The following WNT9B variants were observed in gnomAD, a reference collection of about 807,000 sequenced individuals.
WNT9B encodes Wnt family member 9B, also known as protein Wnt-9b.
A neutral mutation model predicts 30.2 loss-of-function variants in WNT9B; 12 were observed. The observed-to-expected ratio is 0.40, with a 90% confidence interval of 0.26 to 0.64. The LOEUF (loss-of-function observed/expected upper bound fraction) is 0.64, where lower values mean the gene tolerates loss of function less well. WNT9B is among the 30% of genes least tolerant of loss of function. The pLI, the probability that WNT9B is intolerant of heterozygous loss-of-function variation, is 0.42. For missense variants in WNT9B, 442 were observed against 485.2 expected (o/e 0.91, Z 0.84); for synonymous variants, 218 against 216.9 (o/e 1.01, Z -0.05).
intron 1 of WNT9B, among the ~76,000 whole-genome samples, chr17:46,870,898 C>T (rs1369885406): frequency 4.1e-5 from 6 of 145,874 alleles, no homozygotes; most frequent in African/African-American, 1.5e-4. Flanking sequence ...CCTGCTTCCA[C>T]CTTTGCTTTT....
intron 1 of WNT9B, among the ~76,000 whole-genome samples, chr17:46,864,957 T>C (rs2085107190): frequency 2.0e-5 from 3 of 152,104 alleles, no homozygotes; most frequent in African/African-American, 7.2e-5. Context: ...TAACGTATAA[T>C]GGTTTGAATG....
intron 1 of WNT9B, among the ~76,000 whole-genome samples, chr17:46,862,463 A>G (rs552548333): frequency 2.0e-5 from 3 of 152,202 alleles, no homozygotes; most frequent in Non-Finnish European, 4.4e-5. Flanking sequence ...ATTGTTAAAA[A>G]AACTTGTAGT....
rs562310155 is a variant in WNT9B, at chr17:46,873,419, G to A, written c.334+646G>A. On this transcript the variant is annotated intron_variant, in intron 2 of 3. Coordinates refer to ENST00000290015, the MANE Select transcript of WNT9B (RefSeq NM_003396.3). ...CCTCGGGAAGCATGCAGTCTGGAAG[G>A]GAGAACACAGGTCACCATGTGACTC... Among the ~76,000 whole-genome samples, 6 of 152,224 alleles carry A rather than the reference G, an allele frequency of 3.9e-5. 1 individual carries two copies. In the South Asian group the frequency reaches 1.0e-3, roughly 26 times the overall value.
Position 46,872,680 on chromosome 17 carries a change from G to A in WNT9B, c.241G>A (p.Ala81Thr), listed in dbSNP as rs1466900903. 6.2e-7 allele frequency: 1 copy of A among 1,613,556 alleles called. No homozygotes were observed. The highest frequency in any genetic ancestry group is 8.5e-7 in the Non-Finnish European group (1 of 1,180,030). The change falls in exon 2 of 4, where the codon GCT (alanine) becomes ACT (threonine). Residue 81 changes from alanine (A) to threonine (T), a missense_variant. Ala to Thr is a moderately conservative substitution (Grantham distance 58). Coordinates refer to ENST00000290015, the MANE Select transcript of WNT9B (RefSeq NM_003396.3). ...CGGCCTGGCTGAGACCCTGAGGGAT[G>A]CTGCGCACCTCGGCCTGCTTGAGTG... Reference protein sequence around the residue: ...EPGLAETLRDAAHLGLLECQF... With the variant: ...EPGLAETLRDTAHLGLLECQF...
chr17:46,870,904 C>CTTTTTTTTTTTTTTTTT (rs144277402), intron 1 of WNT9B, among the ~76,000 whole-genome samples: 5 of 78,396 alleles, frequency 6.4e-5, no homozygotes, highest in African/African-American at 2.5e-4. Context: ...TCCACCTTTG[C>CTTTTTTTTTTTTTTTTT]TTTTTTTTTT....
chr17:46,836,333 T>G (rs1249678081), intron 1 of WNT9B, among the ~76,000 whole-genome samples: 2 of 152,190 alleles, frequency 1.3e-5, no homozygotes, highest in Non-Finnish European at 2.9e-5. Context: ...TGCTGTTTTT[T>G]GAACTTCATT....
chr17:46,859,989 T>C (rs2085007862), intron 1 of WNT9B, among the ~76,000 whole-genome samples: 1 of 152,176 alleles, frequency 6.6e-6, no homozygotes. Context: ...TTTTAGAAAT[T>C]GAATTGGGGC....
chr17:46,840,565 G>A (rs2084701249), intron 1 of WNT9B, among the ~76,000 whole-genome samples: 1 of 152,194 alleles, frequency 6.6e-6, no homozygotes, highest in Non-Finnish European at 1.5e-5. Flanking sequence ...GCTAGTTCTA[G>A]ATCCTTGAGG....
chr17:46,858,465 T>TTTTTA (rs149880516), intron 1 of WNT9B, among the ~76,000 whole-genome samples: 12,843 of 151,230 alleles, frequency 0.085, 611 homozygotes, highest in Non-Finnish European at 0.1. Flanking sequence ...CGTTTTCTCC[T>TTTTTA]TTTTATTTTA....
At chr17:46,853,992 G>T (rs1239532883) in intron 1 of WNT9B, among the ~76,000 whole-genome samples, 1 of 150,712 alleles carries the variant, frequency 6.6e-6, no homozygotes, top group African/African-American at 2.4e-5. Context: ...GGTCAAATAG[G>T]CCTGGGTTAG....
At chr17:46,851,002 G>A (rs1161258233), upstream of WNT9B, among the ~76,000 whole-genome samples, 1 of 152,170 alleles carries the variant, frequency 6.6e-6, no homozygotes, top group Non-Finnish European at 1.5e-5. The surrounding 1 kb of genome is among the most constrained non-coding windows in gnomAD (Gnocchi z 4.3). Context: ...TCTCCCCTCT[G>A]CCCAAGACTC....
downstream of WNT9B, among the ~76,000 whole-genome samples, chr17:46,884,686 A>G (rs997594425): frequency 2.0e-5 from 3 of 152,154 alleles, no homozygotes; most frequent in African/African-American, 7.2e-5. Flanking sequence ...CAACGCTCCA[A>G]GTTGGTGTCA....
exon 5 of WNT9B, chr17:46,886,656 G>A (rs1035184353): frequency 1.3e-5 from 2 of 152,202 alleles, no homozygotes; most frequent in African/African-American, 4.8e-5. Context: ...TTGCTGGTTG[G>A]AGTTCTTTGA....
rs1371132309 is a variant in WNT9B at position 46,871,611 on chromosome 17, C to T, written c.78-906C>T. 2.6e-5 allele frequency among the ~76,000 whole-genome samples: 4 copies of T among 152,128 alleles called. No homozygotes were observed. The East Asian group carries it at 5.8e-4, about 22-fold the overall frequency. On this transcript the variant is annotated intron_variant, in intron 1 of 3. Coordinates refer to ENST00000290015, the MANE Select transcript of WNT9B (RefSeq NM_003396.3). ...TGGTTAGTCCATTTCATATAATCCT[C>T]CCACCAACCCTAGGAGGTAGAGAAG...
At chr17:46,855,075 G>A (rs2084916889) in intron 1 of WNT9B, among the ~76,000 whole-genome samples, 1 of 149,688 alleles carries the variant, frequency 6.7e-6, no homozygotes, top group Admixed American at 6.6e-5. Flanking sequence ...GAAAGGTTCA[G>A]TCAGTCACCC....
intron 1 of WNT9B, among the ~76,000 whole-genome samples, chr17:46,864,659 T>C (rs908183237): frequency 2.0e-5 from 3 of 152,190 alleles, no homozygotes; most frequent in African/African-American, 7.2e-5. Context: ...CCTTAGATGC[T>C]TGCTGTGGTG....
At chr17:46,862,188 A>G (rs1401329415) in intron 1 of WNT9B, among the ~76,000 whole-genome samples, 1 of 151,998 alleles carries the variant, frequency 6.6e-6, no homozygotes, top group Non-Finnish European at 1.5e-5. Context: ...AAGAAAAAGA[A>G]AAAGAAAAGG....
chr17:46,854,479 C>G (rs541391425), intron 1 of WNT9B, among the ~76,000 whole-genome samples: 1 of 152,266 alleles, frequency 6.6e-6, no homozygotes, highest in Admixed American at 6.5e-5. Flanking sequence ...CCAGAAGGAT[C>G]TCTGGTCCAA....
intron 1 of WNT9B, among the ~76,000 whole-genome samples, chr17:46,856,074 T>C (rs1007331784): frequency 6.6e-6 from 1 of 152,258 alleles, no homozygotes; most frequent in African/African-American, 2.4e-5. Context: ...TAATTAACTT[T>C]GGTGATGTTT....
Sources: allele counts gnomAD v4.1 joint callset (sites outside exome capture counted in the v4.1 genomes callset), GRCh38; gene constraint gnomAD v4.1.1; non-coding constraint Gnocchi (gnomAD v3.1); transcripts MANE v1.5; gene names NCBI Gene and HGNC (gene_info 2026-07-23, HGNC 2026-07-21).